The following CCL26 variants were observed in gnomAD, a reference collection of about 807,000 sequenced individuals.
The protein encoded by CCL26 is C-C motif chemokine ligand 26.
A neutral mutation model predicts 10.7 loss-of-function variants in CCL26; 10 were observed. That is an observed-to-expected ratio of 0.93 (90% CI 0.57 to 1.58). CCL26 has a LOEUF of 1.58. CCL26 is among the 40% of genes most tolerant of loss of function. The probability of loss-of-function intolerance (pLI) is 0.00; values close to 1 mark genes in which losing one functional copy is unlikely to be tolerated. For missense variants in CCL26, 116 were observed against 111.0 expected, an observed-to-expected ratio of 1.05 and a Z score of -0.20; for synonymous variants, 43 against 41.4, an observed-to-expected ratio of 1.04 and a Z score of -0.15.
chr7:75,787,390 A>T (rs1296439440), intron 1 of CCL26, among the ~76,000 whole-genome samples: 2 of 152,068 alleles, frequency 1.3e-5, no homozygotes, highest in African/African-American at 4.8e-5. Flanking sequence ...CACGCCTGTA[A>T]TCCCAGAACT....
At chr7:75,783,773 C>T (rs1278421320) in intron 1 of CCL26, among the ~76,000 whole-genome samples, 22 of 136,066 alleles carry the variant, frequency 1.6e-4, no homozygotes, top group Admixed American at 6.4e-4. Context: ...GGCAACAGAG[C>T]GAGACTCCAG....
rs55770109 is a variant in CCL26, at chr7:75,787,651, C to CAAAAAAAAA, written c.-79+2057_-79+2065dup. 6.9e-3 allele frequency among the ~76,000 whole-genome samples: 192 copies of CAAAAAAAAA among 27,710 alleles called. 11 individuals carry two copies. Among genetic ancestry groups the CAAAAAAAAA allele is most frequent in the Admixed American group, 0.013 (19 of 1,512 alleles). 18.2% of individuals were successfully genotyped at this position (27,710 alleles called of 152,430 possible). The stretch of plus-strand genomic sequence containing the variant: ...CAGAGTGAGACTCCGTCTCCAAAAG[C>CAAAAAAAAA]AAAAAAAAAAAAAAAAAAAAAAAGA... On this transcript the variant is annotated intron_variant, in intron 1 of 3. Transcript: ENST00000394905.
chr7:75,787,342 T>TTTTTAAACCA (rs1803217307), intron 1 of CCL26, among the ~76,000 whole-genome samples: 1 of 152,034 alleles, frequency 6.6e-6, no homozygotes, highest in East Asian at 1.9e-4. Flanking sequence ...GACTAATGGT[T>TTTTTAAACCA]TTTTAAAGAC....
chr7:75,772,849 G>T (rs1802859850), upstream of CCL26, among the ~76,000 whole-genome samples: 1 of 152,190 alleles, frequency 6.6e-6, no homozygotes, highest in Non-Finnish European at 1.5e-5. Context: ...AAAAGAAAAA[G>T]CAGAGGAAAT....
At chr7:75,770,677 G>A (rs1278350171) in intron 2 of CCL26, among the ~76,000 whole-genome samples, 4 of 150,584 alleles carry the variant, frequency 2.7e-5, no homozygotes, top group Admixed American at 6.6e-5. Flanking sequence ...CACCACGCCC[G>A]GCCTATTTTA....
chr7:75,769,595 G>T lies in CCL26; in HGVS notation c.*98C>A. The T allele has an allele frequency of 1.5e-6, 1 of 684,480 alleles. No individual in the cohort carries two copies. The allele number at this position is 684,480 out of a possible 1,614,324, so 42.4% of individuals were successfully genotyped here. On this transcript the variant is annotated 3_prime_UTR_variant, in exon 3 of 3. Coordinates refer to ENST00000005180, the MANE Select transcript of CCL26 (RefSeq NM_001371938.1). ...GAGGAAACACCCTCTCCTCCCCAGC[G>T]GGTCCATGTAGCCTTCAGAAAAGAT...
At chr7:75,785,119 A>G (rs1803155337) in intron 1 of CCL26, among the ~76,000 whole-genome samples, 1 of 151,642 alleles carries the variant, frequency 6.6e-6, no homozygotes, top group South Asian at 2.1e-4. Flanking sequence ...CAACCCATAC[A>G]CTCTTTTGTC....
chr7:75,784,505 C>A (rs1287030390), intron 1 of CCL26, among the ~76,000 whole-genome samples: 1 of 152,180 alleles, frequency 6.6e-6, no homozygotes, highest in Non-Finnish European at 1.5e-5. Flanking sequence ...AATACAGAGG[C>A]TACCCACTCC....
At chr7:75,770,738 G>A (rs782202913) in intron 2 of CCL26, among the ~76,000 whole-genome samples, 13 of 152,010 alleles carry the variant, frequency 8.6e-5, no homozygotes, top group African/African-American at 2.7e-4. Flanking sequence ...GTGCAGTGGC[G>A]CGATCTCTAC....
upstream of CCL26, among the ~76,000 whole-genome samples, chr7:75,776,892 C>T (rs1802953582): frequency 6.6e-6 from 1 of 152,094 alleles, no homozygotes; most frequent in South Asian, 2.1e-4. Context: ...AACATATGCA[C>T]ACTCTATAAT....
upstream of CCL26, among the ~76,000 whole-genome samples, chr7:75,790,603 A>C (rs1378703826): frequency 6.6e-6 from 1 of 151,874 alleles, no homozygotes; most frequent in Non-Finnish European, 1.5e-5. Context: ...ATATAGTTTT[A>C]TTTATCAGCT....
chr7:75,788,623 C>T (rs1358388650), intron 1 of CCL26, among the ~76,000 whole-genome samples: 3 of 151,738 alleles, frequency 2.0e-5, no homozygotes, highest in African/African-American at 7.3e-5. Context: ...TCTGTAATCC[C>T]AGCTACTCAG....
chr7:75,772,897 T>C (rs1802860893), upstream of CCL26, among the ~76,000 whole-genome samples: 5 of 152,342 alleles, frequency 3.3e-5, 1 homozygote, highest in South Asian at 1.0e-3. Flanking sequence ...AGTTACTTTA[T>C]AGCACAATTG....
intron 1 of CCL26, among the ~76,000 whole-genome samples, chr7:75,786,911 T>A (rs1803204221): frequency 6.6e-6 from 1 of 152,206 alleles, no homozygotes; most frequent in Non-Finnish European, 1.5e-5. Context: ...TTCCTTTCCA[T>A]CATGGAAATC....
At chr7:75,775,977 C>T (rs567034467), upstream of CCL26, among the ~76,000 whole-genome samples, 2 of 150,426 alleles carry the variant, frequency 1.3e-5, no homozygotes, top group South Asian at 4.2e-4. Context: ...CTTATAAAGA[C>T]ATATTGGATT....
intron 1 of CCL26, among the ~76,000 whole-genome samples, chr7:75,788,148 T>C (rs899700149): frequency 3.3e-5 from 5 of 152,076 alleles, no homozygotes; most frequent in African/African-American, 1.2e-4. Context: ...TTCTTATTAA[T>C]ATAAGAAGAC....
At chr7:75,783,983 C>G (rs1307654241) in intron 1 of CCL26, among the ~76,000 whole-genome samples, 1 of 152,076 alleles carries the variant, frequency 6.6e-6, no homozygotes, top group African/African-American at 2.4e-5. Context: ...AATTAAATTC[C>G]AGCCTCAAAC....
upstream of CCL26, among the ~76,000 whole-genome samples, chr7:75,790,960 C>T (rs904618338): frequency 6.6e-6 from 1 of 151,508 alleles, no homozygotes; most frequent in African/African-American, 2.4e-5. Context: ...AAATTTGAGT[C>T]CCTTCACCCA....
At chr7:75,783,130 C>G (rs1803103153) in intron 1 of CCL26, among the ~76,000 whole-genome samples, 1 of 152,124 alleles carries the variant, frequency 6.6e-6, no homozygotes, top group Admixed American at 6.6e-5. Context: ...GTACATGTGC[C>G]TTTTTCTCTA....
Sources: allele counts gnomAD v4.1 joint callset (sites outside exome capture counted in the v4.1 genomes callset), GRCh38; gene constraint gnomAD v4.1.1; transcripts MANE v1.5; gene names NCBI Gene and HGNC (gene_info 2026-07-23, HGNC 2026-07-21).